Variants in EFCAB6 observed in about 807,000 individuals in gnomAD.
EFCAB6 encodes the protein EF-hand calcium-binding domain-containing protein 6.
In EFCAB6, 156 loss-of-function variants were observed where a neutral mutation model predicts 169.8. That is an observed-to-expected ratio of 0.92 (90% confidence interval 0.81 to 1.05). The LOEUF is 1.05. Ranked by LOEUF, EFCAB6 falls within the 50% of genes least tolerant of loss-of-function variation. The pLI is 0.00. For missense variants in EFCAB6, 1,800 were observed against 1,829.1 expected (o/e 0.98, Z 0.29); for synonymous variants, 698 against 676.4 (o/e 1.03, Z -0.50).
chr22:43,711,414 G>A (rs555802190), intron 10 of EFCAB6, 61 bp downstream of exon 10: 2 of 1,462,588 alleles, frequency 1.4e-6, no homozygotes, highest in South Asian at 2.8e-5. Context: ...ACGAAGCTGT[G>A]CCTTATTCTT....
intron 11 of EFCAB6, 40 bp from the exon 12 acceptor site, chr22:43,683,895 T>C (rs2058093946): frequency 6.8e-7 from 1 of 1,477,194 alleles, no homozygotes; most frequent in East Asian, 2.3e-5. Flanking sequence ...TAAGATTATG[T>C]TCTTGAACTT....
chr22:43,670,518 T>C (rs541971695), intron 15 of EFCAB6, among the ~76,000 whole-genome samples: 2 of 152,172 alleles, frequency 1.3e-5, no homozygotes, highest in Non-Finnish European at 2.9e-5. Context: ...GTATATGTGC[T>C]TAATAAATCG....
intron 2 of EFCAB6, among the ~76,000 whole-genome samples, chr22:43,796,527 C>T (rs1383861461): frequency 7.9e-5 from 12 of 152,072 alleles, no homozygotes; most frequent in Admixed American, 7.9e-4. Flanking sequence ...TCATGAATAT[C>T]ATCAGACCCA....
At chr22:43,615,993 C>T in intron 20 of EFCAB6, 71 bp from the exon 21 acceptor site, 1 of 1,276,786 alleles carries the variant, frequency 7.8e-7, no homozygotes, top group Non-Finnish European at 1.1e-6. Context: ...AAGGGGTTTC[C>T]CTATCCCCCC....
chr22:43,547,418 C>A (rs1208968569), intron 27 of EFCAB6, among the ~76,000 whole-genome samples: 1 of 152,076 alleles, frequency 6.6e-6, no homozygotes, highest in African/African-American at 2.4e-5. Context: ...AATTTCCAAA[C>A]CAATAGTGGG....
At chr22:43,708,704 A>G (rs913014728) in intron 10 of EFCAB6, among the ~76,000 whole-genome samples, 4 of 152,246 alleles carry the variant, frequency 2.6e-5, no homozygotes, top group Non-Finnish European at 5.9e-5. Flanking sequence ...TCAATAGTAG[A>G]TAAGATAGAC....
At chr22:43,682,534 G>T (rs1010803032) in intron 12 of EFCAB6, among the ~76,000 whole-genome samples, 1 of 152,130 alleles carries the variant, frequency 6.6e-6, no homozygotes, top group African/African-American at 2.4e-5. Context: ...CAAAGGCCTC[G>T]TTTATCTTTT....
At chr22:43,568,808 C>T (rs1308969372) in intron 26 of EFCAB6, among the ~76,000 whole-genome samples, 1 of 152,214 alleles carries the variant, frequency 6.6e-6, no homozygotes, top group Non-Finnish European at 1.5e-5. Context: ...AATTCAACCA[C>T]ACAAATTAAA....
intron 26 of EFCAB6, among the ~76,000 whole-genome samples, chr22:43,562,260 T>C (rs1309157564): frequency 6.6e-6 from 1 of 152,206 alleles, no homozygotes; most frequent in African/African-American, 2.4e-5. Context: ...CTTGGCCCCT[T>C]TGTGACTACA....
At chr22:43,608,361 C>A in intron 22 of EFCAB6, 121 bp downstream of exon 22, 2 of 801,064 alleles carry the variant, frequency 2.5e-6, no homozygotes, top group African/African-American at 1.7e-5. Context: ...ACAGATGCAA[C>A]CAAGAGAAAA....
chr22:43,684,197 C>A (rs552986224), intron 11 of EFCAB6, among the ~76,000 whole-genome samples: 5 of 152,272 alleles, frequency 3.3e-5, no homozygotes, highest in South Asian at 2.1e-4. Context: ...AGCTGGGAGC[C>A]CCCCCTCCTG....
At chr22:43,716,670 A>G in intron 9 of EFCAB6, 178 bp downstream of exon 9, 1 of 591,446 alleles carries the variant, frequency 1.7e-6, no homozygotes, top group Non-Finnish European at 2.6e-6. Context: ...CACCATCACG[A>G]TTATCCATGA....
chr22:43,692,949 A>T (rs1431935224), intron 10 of EFCAB6, among the ~76,000 whole-genome samples: 1 of 152,186 alleles, frequency 6.6e-6, no homozygotes, highest in African/African-American at 2.4e-5. Flanking sequence ...TCATAGCTAC[A>T]AAGCTGAAAG....
intron 27 of EFCAB6, among the ~76,000 whole-genome samples, chr22:43,546,301 A>G (rs569485430): frequency 6.6e-6 from 1 of 152,334 alleles, no homozygotes; most frequent in East Asian, 1.9e-4. Context: ...GAGGAGAGAG[A>G]TAATGAACCT....
chr22:43,748,868 G>A (rs1353440605), intron 6 of EFCAB6, among the ~76,000 whole-genome samples: 5 of 152,146 alleles, frequency 3.3e-5, no homozygotes, highest in East Asian at 1.9e-4. Context: ...AAGTGTACTC[G>A]ATGCACAAGC....
rs60058335 is a variant in EFCAB6 at position 43,612,923 on chromosome 22, A to C, written c.2562+2903T>G. ...AAAAAAAAAAAAAAAGTAAAAAAAA[A>C]CAGATGCTGTAAAGTTGCAGAGAAA... On this transcript the variant is annotated intron_variant, in intron 21 of 31. Transcript: ENST00000262726. 4.5e-3 allele frequency among the ~76,000 whole-genome samples: 302 copies of C among 66,830 alleles called. 3 individuals are homozygous for C. The Middle Eastern group carries it at 0.053, about 12-fold the overall frequency. The allele number at this position is 66,830 out of a possible 152,430, so 43.8% of individuals were successfully genotyped here. A position where few individuals can be genotyped will look rare whatever the true frequency, so the allele number is the denominator to read the frequency against.
At chr22:43,563,574 A>C (rs139878906) in intron 26 of EFCAB6, among the ~76,000 whole-genome samples, 235 of 152,324 alleles carry the variant, frequency 1.5e-3, no homozygotes, top group African/African-American at 5.2e-3. Flanking sequence ...CAAAACAAAA[A>C]CAAAACCAAA....
At chr22:43,661,211 C>A (rs1161988813) in intron 17 of EFCAB6, among the ~76,000 whole-genome samples, 1 of 151,848 alleles carries the variant, frequency 6.6e-6, no homozygotes, top group African/African-American at 2.4e-5. Context: ...CTCATCTCTA[C>A]AAAAAAATTT....
At chr22:43,624,472 G>A (rs2054354563) in intron 20 of EFCAB6, among the ~76,000 whole-genome samples, 1 of 152,102 alleles carries the variant, frequency 6.6e-6, no homozygotes, top group Non-Finnish European at 1.5e-5. Flanking sequence ...CATGCAGGTG[G>A]ATCCCACACA....
Sources: gnomAD v4.1 joint callset for allele counts (sites outside exome capture counted in the v4.1 genomes callset) on GRCh38, gnomAD v4.1.1 for gene constraint, MANE v1.5 for transcripts, NCBI Gene and HGNC (gene_info 2026-07-23, HGNC 2026-07-21) for gene names.